FLNB: variants seen among roughly 807,000 people sequenced by gnomAD.
FLNB encodes filamin B, also known as filamin-B.
A neutral mutation model predicts 250.6 loss-of-function variants in FLNB; 111 were observed. That is an observed-to-expected ratio of 0.44 (90% CI 0.38 to 0.52). FLNB has a LOEUF of 0.52. FLNB is among the 20% of genes least tolerant of loss of function. FLNB has a pLI of 0.00. For missense variants in FLNB, 2,869 were observed against 3,447.8 expected (o/e 0.83, Z 4.20); for synonymous variants, 1,302 against 1,372.1 (o/e 0.95, Z 1.13).
rs9816780 is a variant in FLNB, at chr3:58,106,479, A to T, written c.1748-201A>T. Among the ~76,000 whole-genome samples the T allele has an allele frequency of 0.38, 56,928 of 149,490 alleles. 12,894 individuals are homozygous for T. The highest frequency in any genetic ancestry group is 0.93 in the East Asian group (4,751 of 5,118). ...GCCCAGGCCTACATTTGAAAAAAAA[A>T]AAATATATATATATTTTCCACCCCT... On this transcript the variant is annotated intron_variant, in intron 11 of 45. Transcript: ENST00000295956.
At chr3:58,122,181 A>C (rs2097290043) in intron 20 of FLNB, among the ~76,000 whole-genome samples, 2 of 148,224 alleles carry the variant, frequency 1.3e-5, no homozygotes, top group African/African-American at 2.5e-5. Context: ...AAAAAAAAAA[A>C]AAAAAACCAC....
chr3:58,105,276 C>T, intron 11 of FLNB, 60 bp downstream of exon 11: 2 of 1,607,586 alleles, frequency 1.2e-6, no homozygotes, highest in South Asian at 1.1e-5. Context: ...GGCTTCCGGG[C>T]TGTGTCAGGC....
chr3:58,060,804 G>GA (rs1227501625), intron 1 of FLNB, among the ~76,000 whole-genome samples: 159 of 118,268 alleles, frequency 1.3e-3, no homozygotes, highest in African/African-American at 4.4e-3. Context: ...AAAAAAGAAA[G>GA]AAAGAAAAGA....
intron 1 of FLNB, among the ~76,000 whole-genome samples, chr3:58,048,848 A>G (rs1479086849): frequency 6.6e-6 from 1 of 152,236 alleles, no homozygotes; most frequent in Non-Finnish European, 1.5e-5. Flanking sequence ...TATTTTTAAA[A>G]TGTAACTAGT....
intron 43 of FLNB, chr3:58,165,803 C>T (rs1199241847): frequency 6.6e-6 from 1 of 152,126 alleles, no homozygotes; most frequent in Non-Finnish European, 1.5e-5. Flanking sequence ...GGGCCTCCTT[C>T]CTTAACTGCC....
At position 58,108,578 on chromosome 3, in the gene FLNB, T is replaced by A; in HGVS notation, c.2055+7T>A. 1 of 1,562,452 alleles carries A rather than the reference T, an allele frequency of 6.4e-7. No homozygotes were observed. Among genetic ancestry groups the A allele is most frequent in the Non-Finnish European group, 8.8e-7 (1 of 1,132,980 alleles). ...CTTAAAGATATTTGCTCAGGTAAAT[T>A]TCAGGGGGCCACCTGTGCAGGTAAT... is the stretch of plus-strand genomic sequence containing the variant. On this transcript the variant is annotated splice_region_variant and intron_variant, in intron 13 of 45. Transcript: ENST00000295956.
At chr3:58,106,903 T>C (rs2097260636) in intron 12 of FLNB, 30 bp downstream of exon 12, 1 of 1,601,130 alleles carries the variant, frequency 6.2e-7, no homozygotes, top group Non-Finnish European at 8.5e-7. Flanking sequence ...TCTGTCTTCT[T>C]GTCCCTGGCC....
At chr3:58,127,656 C>A (rs1034735751) in intron 24 of FLNB, among the ~76,000 whole-genome samples, 5 of 152,278 alleles carry the variant, frequency 3.3e-5, no homozygotes, top group African/African-American at 1.2e-4. Context: ...TTTGTGGCAA[C>A]CAAAAATGTC....
chr3:58,128,881 C>A (rs1020673314), intron 24 of FLNB, among the ~76,000 whole-genome samples: 1 of 152,104 alleles, frequency 6.6e-6, no homozygotes, highest in Non-Finnish European at 1.5e-5. Context: ...TGGATGGTGC[C>A]TTTTTATGTT....
intron 1 of FLNB, among the ~76,000 whole-genome samples, chr3:58,032,058 A>C (rs1244874995): frequency 6.6e-6 from 1 of 151,946 alleles, no homozygotes; most frequent in African/African-American, 2.4e-5. Flanking sequence ...CCTCCCAAGT[A>C]GCTGGGATTA....
intron 24 of FLNB, among the ~76,000 whole-genome samples, chr3:58,127,579 CTT>C (rs1189143488): frequency 2.0e-5 from 3 of 152,142 alleles, no homozygotes; most frequent in Non-Finnish European, 2.9e-5. Context: ...TCATTGTAGA[CTT>C]TTGTCAGCAT....
chr3:58,021,118 A>C (rs188073946), intron 1 of FLNB, among the ~76,000 whole-genome samples: 1 of 152,286 alleles, frequency 6.6e-6, no homozygotes, highest in East Asian at 1.9e-4. Context: ...GTGGTTTATC[A>C]GATTCCAGGG....
At chr3:58,085,615 C>T (rs955792559) in intron 4 of FLNB, among the ~76,000 whole-genome samples, 1 of 152,152 alleles carries the variant, frequency 6.6e-6, no homozygotes, top group Non-Finnish European at 1.5e-5. Context: ...TGAGGTGGAC[C>T]TCCAGCCACA....
intron 1 of FLNB, among the ~76,000 whole-genome samples, chr3:58,040,282 A>C (rs2097144211): frequency 1.3e-5 from 2 of 152,228 alleles, no homozygotes; most frequent in African/African-American, 4.8e-5. Flanking sequence ...ACAGGACAGT[A>C]ACTGAAACTG....
rs1476959516 is a variant in FLNB, at chr3:58,123,162, A to G, written c.3196A>G (p.Lys1066Glu). 1.2e-6 allele frequency: 2 copies of G among 1,614,096 alleles called. No individual in the cohort carries two copies. Among genetic ancestry groups the G allele is most frequent in the South Asian group, 1.1e-5 (1 of 91,074 alleles). The stretch of plus-strand genomic sequence containing the variant: ...GCCTGCCGAGTTCACCATCGATACC[A>G]AAGGAGCTGGTACTGGAGGTCTGGG... ...GKPAEFTIDT[K>E]GAGTGGLGLT... The change falls in exon 21 of 46, where the codon AAA becomes GAA. Residue 1066 changes from lysine to glutamate, a missense_variant. Around this residue, in one of 5 missense-constraint regions of FLNB, gnomAD observed 1,348 missense variants for 1,466.7 expected, o/e 0.92. Transcript: ENST00000295956.
At chr3:58,117,279 T>C (rs2097279992) in intron 18 of FLNB, among the ~76,000 whole-genome samples, 1 of 152,126 alleles carries the variant, frequency 6.6e-6, no homozygotes, top group African/African-American at 2.4e-5. Flanking sequence ...ATCTCCGAGA[T>C]TTTTTCCCTC....
At chr3:58,028,763 AC>A (rs918933949) in intron 1 of FLNB, among the ~76,000 whole-genome samples, 5 of 149,988 alleles carry the variant, frequency 3.3e-5, no homozygotes. Context: ...ACAGGCATGT[AC>A]CACCACACCC....
chr3:58,053,514 G>T (rs1304375142), intron 1 of FLNB, among the ~76,000 whole-genome samples: 2 of 152,220 alleles, frequency 1.3e-5, no homozygotes, highest in Non-Finnish European at 2.9e-5. Context: ...GGGCTGGAGT[G>T]CAGTGGCGCT....
intron 6 of FLNB, among the ~76,000 whole-genome samples, chr3:58,096,770 A>C (rs541802006): frequency 6.6e-6 from 1 of 152,066 alleles, no homozygotes; most frequent in African/African-American, 2.4e-5. Context: ...CAGCCTCCCA[A>C]AGTGCTGGGA....
Sources: gnomAD v4.1 joint callset for allele counts (sites outside exome capture counted in the v4.1 genomes callset) on GRCh38, gnomAD v4.1.1 for gene constraint, gnomAD v4.1.1 regional missense constraint, MANE v1.5 for transcripts, NCBI Gene and HGNC (gene_info 2026-07-23, HGNC 2026-07-21) for gene names.